The following RPS6KC1 variants were observed in gnomAD, a reference collection of about 807,000 sequenced individuals.
RPS6KC1 encodes ribosomal protein S6 kinase C1.
A neutral mutation model predicts 103.8 loss-of-function variants in RPS6KC1; 54 were observed. The ratio of observed to expected loss-of-function variants is 0.52; its 90% CI spans 0.42 to 0.65. The LOEUF (loss-of-function observed/expected upper bound fraction) is 0.65. Among genes scored for constraint, RPS6KC1 ranks in the 30% least tolerant of loss-of-function variants. The pLI is 0.00. For synonymous variants in RPS6KC1, 439 were observed against 438.7 expected (o/e 1.00, Z -0.01); for missense variants, 1,151 against 1,253.8 (o/e 0.92, Z 1.24).
At chr1:213,545,398 A>ATAAATAAATAAAT in the RPS6KC1 span, among the ~76,000 whole-genome samples, 7 of 87,886 alleles carry the variant, frequency 8.0e-5, no homozygotes, top group Non-Finnish European at 1.7e-4. Flanking sequence ...AAATAAATAA[A>ATAAATAAATAAAT]TAAATAAATA....
chr1:213,495,972 A>G, the RPS6KC1 span, among the ~76,000 whole-genome samples: 4 of 152,184 alleles, frequency 2.6e-5, no homozygotes, highest in African/African-American at 9.7e-5. Flanking sequence ...TATTTTCAGC[A>G]TTAAAAACCC....
At chr1:213,094,098 C>G (rs2081239367) in intron 3 of RPS6KC1, among the ~76,000 whole-genome samples, 1 of 150,260 alleles carries the variant, frequency 6.7e-6, no homozygotes, top group Admixed American at 6.6e-5. Flanking sequence ...CCCCCCCCAC[C>G]AAGAGAATAG....
At chr1:213,545,431 AAAAGAG>A in the RPS6KC1 span, among the ~76,000 whole-genome samples, 50,494 of 127,732 alleles carry the variant, frequency 0.4, 12,032 homozygotes, top group Admixed American at 0.52. Flanking sequence ...AAAATAAAAT[AAAAGAG>A]AGAGAGAGAG....
chr1:213,464,558 T>C, the RPS6KC1 span, among the ~76,000 whole-genome samples: 1 of 152,184 alleles, frequency 6.6e-6, no homozygotes, highest in African/African-American at 2.4e-5. Flanking sequence ...TATATTATCT[T>C]TCATTAGTTT....
the RPS6KC1 span, among the ~76,000 whole-genome samples, chr1:213,672,229 T>G: frequency 6.6e-6 from 1 of 152,178 alleles, no homozygotes; most frequent in East Asian, 1.9e-4. Flanking sequence ...CTCCTATAAA[T>G]GAAGCAAACT....
the RPS6KC1 span, among the ~76,000 whole-genome samples, chr1:213,549,912 C>T: frequency 1.3e-5 from 2 of 151,948 alleles, no homozygotes; most frequent in African/African-American, 4.8e-5. Context: ...AGCACCACAC[C>T]CAGGTTTGCT....
At chr1:213,354,974 T>C in the RPS6KC1 span, among the ~76,000 whole-genome samples, 3 of 152,118 alleles carry the variant, frequency 2.0e-5, no homozygotes, top group Admixed American at 2.0e-4. Context: ...TCCCAGCACT[T>C]TGGGAGGCCG....
At chr1:213,356,423 A>AG in the RPS6KC1 span, among the ~76,000 whole-genome samples, 228 of 152,180 alleles carry the variant, frequency 1.5e-3, 1 homozygote, top group Admixed American at 4.5e-3. Flanking sequence ...TGGGAGGCCG[A>AG]GGCAGCAGAT....
At chr1:213,462,897 T>C in the RPS6KC1 span, among the ~76,000 whole-genome samples, 25 of 152,292 alleles carry the variant, frequency 1.6e-4, no homozygotes, top group Non-Finnish European at 2.9e-4. Context: ...ACTTAAAGTA[T>C]AATTAAAAAA....
chr1:213,475,255 C>T, the RPS6KC1 span, among the ~76,000 whole-genome samples: 1 of 152,184 alleles, frequency 6.6e-6, no homozygotes, highest in South Asian at 2.1e-4. Context: ...CCTTTCCCCA[C>T]TCACCAGACT....
At chr1:213,602,118 T>TTCTCTCTCTCTC in the RPS6KC1 span, among the ~76,000 whole-genome samples, 5 of 8,896 alleles carry the variant, frequency 5.6e-4, no homozygotes, top group African/African-American at 2.1e-3. Flanking sequence ...CTTTCTTTCT[T>TTCTCTCTCTCTC]TCTCTTTCTT....
the RPS6KC1 span, among the ~76,000 whole-genome samples, chr1:213,369,261 G>A: frequency 6.6e-6 from 1 of 152,210 alleles, no homozygotes; most frequent in Admixed American, 6.5e-5. Context: ...CCTGCACCTT[G>A]GCTTGTTTGG....
At chr1:213,152,569 C>A (rs61834122) in intron 6 of RPS6KC1, among the ~76,000 whole-genome samples, 24 of 145,006 alleles carry the variant, frequency 1.7e-4, no homozygotes, top group South Asian at 1.1e-3. Flanking sequence ...ACGGGGTTGC[C>A]GCCGGGCAGA....
chr1:213,592,590 T>C, the RPS6KC1 span, among the ~76,000 whole-genome samples: 76 of 152,344 alleles, frequency 5.0e-4, 1 homozygote, highest in East Asian at 0.014. Flanking sequence ...ACTTGTGGAA[T>C]CTCTGTAGAG....
chr1:213,146,815 A>G (rs886907897), intron 6 of RPS6KC1, among the ~76,000 whole-genome samples: 9 of 152,114 alleles, frequency 5.9e-5, no homozygotes, highest in Admixed American at 1.3e-4. Flanking sequence ...GTTCCCACCA[A>G]CAGTGTACCA....
chr1:213,359,925 A>C, the RPS6KC1 span, among the ~76,000 whole-genome samples: 1 of 152,188 alleles, frequency 6.6e-6, no homozygotes, highest in Non-Finnish European at 1.5e-5. Context: ...CTGAGAGATC[A>C]GCTGTTAGTC....
chr1:213,327,040 CT>C, the RPS6KC1 span, among the ~76,000 whole-genome samples: 689 of 136,594 alleles, frequency 5.0e-3, 5 homozygotes, highest in South Asian at 0.016. Flanking sequence ...TTTTCTTTTT[CT>C]TTTTTTTTTT....
chr1:213,265,808 G>C (rs2094898656), intron 14 of RPS6KC1, among the ~76,000 whole-genome samples: 1 of 152,218 alleles, frequency 6.6e-6, no homozygotes, highest in African/African-American at 2.4e-5. Flanking sequence ...CCCAAGTGAA[G>C]TAATAGATTC....
the RPS6KC1 span, among the ~76,000 whole-genome samples, chr1:213,520,925 G>A: frequency 1.3e-3 from 197 of 152,258 alleles, 1 homozygote; most frequent in African/African-American, 4.6e-3. Context: ...TAAAAGTCCT[G>A]CCTCTCCATT....
Sources: allele counts gnomAD v4.1 joint callset (sites outside exome capture counted in the v4.1 genomes callset), GRCh38; gene constraint gnomAD v4.1.1; transcripts MANE v1.5; gene names NCBI Gene and HGNC (gene_info 2026-07-23, HGNC 2026-07-21).